CENPK: variants seen among roughly 807,000 people sequenced by gnomAD.
CENPK encodes SoxLZ/Sox6-binding protein Solt.
Under a neutral mutation model 40.9 loss-of-function variants are expected in CENPK, and 46 were observed. That is an observed-to-expected ratio of 1.13 (90% CI 0.89 to 1.44). The LOEUF is 1.44. Among genes scored for constraint, CENPK ranks in the 40% most tolerant of loss-of-function variants. The pLI is 0.00. For missense variants in CENPK, 288 were observed against 303.5 expected, an observed-to-expected ratio of 0.95 and a Z score of 0.38; for synonymous variants, 107 against 104.4, an observed-to-expected ratio of 1.02 and a Z score of -0.15.
chr5:65,528,796 A>C, intron 8 of CENPK, 123 bp downstream of exon 8: 1 of 878,498 alleles, frequency 1.1e-6, no homozygotes, highest in Non-Finnish European at 1.7e-6. Flanking sequence ...AATAGCTAAT[A>C]GTTAACAAAA....
At chr5:65,532,938 C>CAAAAAAAAA (rs1554108008) in intron 6 of CENPK, among the ~76,000 whole-genome samples, 3 of 82,758 alleles carry the variant, frequency 3.6e-5, no homozygotes, top group Non-Finnish European at 5.5e-5. Flanking sequence ...AAAAAAAAAT[C>CAAAAAAAAA]AATTTTAAAA....
chr5:65,556,118 C>T (rs1185874792), intron 2 of CENPK, among the ~76,000 whole-genome samples: 4 of 151,960 alleles, frequency 2.6e-5, no homozygotes, highest in Non-Finnish European at 4.4e-5. Context: ...TTTGTGTCTT[C>T]GTTCTTAACA....
the CENPK span, among the ~76,000 whole-genome samples, chr5:65,512,404 G>A: frequency 5.3e-5 from 8 of 151,460 alleles, no homozygotes; most frequent in Admixed American, 2.6e-4. Context: ...AGAGTCAATC[G>A]ATGTGGCAAA....
At position 65,554,861 on chromosome 5, in the gene CENPK, T is replaced by A; in HGVS notation, c.47A>T (p.Asp16Val). 6.2e-7 allele frequency: 1 copy of A among 1,605,868 alleles called. No individual in the cohort carries two copies. Among genetic ancestry groups the A allele is most frequent in the South Asian group, 1.1e-5 (1 of 90,888 alleles). Residue 16 changes from aspartate (D) to valine (V), a missense_variant, in exon 3 of 11, where the codon GAT becomes GTT. Transcript: ENST00000396679. ...LDPDSTTDVG[D>V]VTNTEEELIR... Reference sequence around the variant, plus strand: ...AAGTTCTTCTTCAGTATTTGTAACATCTCCCACATCTGTAGTACTATCCGG... The same window carrying A: ...AAGTTCTTCTTCAGTATTTGTAACAACTCCCACATCTGTAGTACTATCCGG...
intron 9 of CENPK, among the ~76,000 whole-genome samples, chr5:65,522,209 T>A (rs527735339): frequency 4.6e-5 from 7 of 152,298 alleles, no homozygotes; most frequent in African/African-American, 1.7e-4. Flanking sequence ...AGTTTCAGTA[T>A]AGGAAACTTG....
At chr5:65,504,457 C>CCA in the CENPK span, among the ~76,000 whole-genome samples, 8 of 100,066 alleles carry the variant, frequency 8.0e-5, no homozygotes, top group Admixed American at 1.2e-4. Flanking sequence ...AATTCCGTAT[C>CCA]AAAAAAAAAA....
downstream of CENPK, among the ~76,000 whole-genome samples, chr5:65,516,991 G>A (rs1373690353): frequency 6.6e-6 from 1 of 151,734 alleles, no homozygotes; most frequent in Non-Finnish European, 1.5e-5. Flanking sequence ...CACCCAGGCT[G>A]GAGTGCAGTG....
At chr5:65,520,455 T>C (rs1489862782) in intron 10 of CENPK, among the ~76,000 whole-genome samples, 2 of 152,136 alleles carry the variant, frequency 1.3e-5, no homozygotes, top group Non-Finnish European at 2.9e-5. Flanking sequence ...TGTTACACTA[T>C]TAAAAAATTA....
intron 9 of CENPK, chr5:65,524,799 T>C (rs1038246891): frequency 6.5e-6 from 1 of 153,164 alleles, no homozygotes; most frequent in Non-Finnish European, 1.5e-5. Context: ...AAATATAACC[T>C]GCCAAAGTAA....
At chr5:65,520,735 G>A (rs1743575742) in intron 10 of CENPK, among the ~76,000 whole-genome samples, 1 of 152,038 alleles carries the variant, frequency 6.6e-6, no homozygotes, top group African/African-American at 2.4e-5. Flanking sequence ...AATGAAACGC[G>A]TTTTCTGAAA....
intron 6 of CENPK, among the ~76,000 whole-genome samples, chr5:65,538,724 G>A (rs1747407852): frequency 6.6e-6 from 1 of 152,084 alleles, no homozygotes; most frequent in Non-Finnish European, 1.5e-5. Flanking sequence ...TCTGACTTTC[G>A]ACCTGCACAC....
At chr5:65,522,185 G>C (rs1743889356) in intron 9 of CENPK, among the ~76,000 whole-genome samples, 1 of 152,104 alleles carries the variant, frequency 6.6e-6, no homozygotes, top group South Asian at 2.1e-4. Flanking sequence ...TGACATTCCA[G>C]AGTACATTTA....
chr5:65,512,780 T>G (rs1243200226), downstream of CENPK, among the ~76,000 whole-genome samples: 1 of 152,206 alleles, frequency 6.6e-6, no homozygotes, highest in Non-Finnish European at 1.5e-5. Flanking sequence ...TATTTAGCTT[T>G]GTAAAAAACC....
chr5:65,549,249 A>C (rs779200895), intron 5 of CENPK, among the ~76,000 whole-genome samples: 10 of 152,168 alleles, frequency 6.6e-5, no homozygotes, highest in Non-Finnish European at 1.3e-4. Flanking sequence ...AGTGGGCTTA[A>C]ACTATTCAGT....
the CENPK span, among the ~76,000 whole-genome samples, chr5:65,500,773 C>T: frequency 1.3e-5 from 2 of 152,160 alleles, no homozygotes; most frequent in Non-Finnish European, 2.9e-5. Context: ...AGCAATTCTC[C>T]TGCCTCAGCC....
intron 2 of CENPK, 200 bp downstream of exon 2, chr5:65,561,263 T>A: frequency 4.4e-6 from 1 of 229,482 alleles, no homozygotes; most frequent in Non-Finnish European, 9.1e-6. Flanking sequence ...TTAGAATATT[T>A]TTAAGCGAAA....
chr5:65,505,370 T>C, the CENPK span, among the ~76,000 whole-genome samples: 1 of 152,212 alleles, frequency 6.6e-6, no homozygotes, highest in Non-Finnish European at 1.5e-5. Flanking sequence ...TAGTGGCTTA[T>C]GCCTGTAATC....
At chr5:65,496,551 A>G in the CENPK span, among the ~76,000 whole-genome samples, 1 of 152,336 alleles carries the variant, frequency 6.6e-6, no homozygotes, top group South Asian at 2.1e-4. Flanking sequence ...TTATAAGCAT[A>G]TACATAAAAT....
At chr5:65,532,906 T>C (rs1311817261) in intron 6 of CENPK, among the ~76,000 whole-genome samples, 1 of 8,666 alleles carries the variant, frequency 1.2e-4, no homozygotes, top group African/African-American at 2.4e-4. Context: ...CGAAACTCCA[T>C]CTCCAAAAAA....
Sources: gnomAD v4.1 joint callset for allele counts (sites outside exome capture counted in the v4.1 genomes callset) on GRCh38, gnomAD v4.1.1 for gene constraint, MANE v1.5 for transcripts, NCBI Gene and HGNC (gene_info 2026-07-23, HGNC 2026-07-21) for gene names.